RBM47: variants seen among roughly 807,000 people sequenced by gnomAD.
The protein encoded by RBM47 is RNA binding motif protein 47.
In RBM47, 21 loss-of-function variants were observed where a neutral mutation model predicts 47.1. The ratio of observed to expected loss-of-function variants is 0.45; its 90% CI spans 0.32 to 0.64. The LOEUF is 0.64. Ranked by LOEUF, RBM47 falls within the 30% of genes least tolerant of loss-of-function variation. RBM47 has a pLI of 0.05. For missense variants in RBM47, 708 were observed against 870.9 expected, an observed-to-expected ratio of 0.81 and a Z score of 2.35; for synonymous variants, 375 against 361.7, an observed-to-expected ratio of 1.04 and a Z score of -0.42.
At chr4:40,460,429 C>T (rs1488665203) in intron 3 of RBM47, among the ~76,000 whole-genome samples, 2 of 152,200 alleles carry the variant, frequency 1.3e-5, no homozygotes, top group Non-Finnish European at 2.9e-5. Flanking sequence ...CATGCCAGAG[C>T]TCAACCGCTT....
chr4:40,470,498 T>C lies in RBM47; in HGVS notation c.-154-3799A>G, dbSNP rs143703767. Among the ~76,000 whole-genome samples the C allele has an allele frequency of 4.3e-4, 65 of 152,296 alleles. 1 individual carries two copies. In the East Asian group the frequency reaches 8.7e-3, roughly 20 times the overall value. On this transcript the variant is annotated intron_variant, in intron 2 of 6. Coordinates refer to ENST00000295971, the MANE Select transcript of RBM47 (RefSeq NM_001098634.2). ...CTTGATTTTTTTGCCCCCTCTTCTA[T>C]TTGTGTCTTGACGTGTCGTATGTAG...
intron 1 of RBM47, among the ~76,000 whole-genome samples, chr4:40,569,910 C>G (rs929250004): frequency 1.3e-5 from 2 of 149,760 alleles, no homozygotes; most frequent in Non-Finnish European, 3.0e-5. Context: ...TAGGGTTTCA[C>G]CATGTTGGCC....
chr4:40,600,291 G>A (rs2154277104), intron 1 of RBM47, among the ~76,000 whole-genome samples: 1 of 152,036 alleles, frequency 6.6e-6, no homozygotes, highest in East Asian at 1.9e-4. Context: ...GGCGTTACAG[G>A]TATAAGCCAC....
chr4:40,460,192 G>A (rs1333851044), intron 3 of RBM47, among the ~76,000 whole-genome samples: 1 of 151,678 alleles, frequency 6.6e-6, no homozygotes, highest in Admixed American at 6.6e-5. Context: ...ACTGGCCAGG[G>A]AGCTATAAAA....
chr4:40,620,996 A>T (rs954495791), intron 1 of RBM47, among the ~76,000 whole-genome samples: 9 of 138,906 alleles, frequency 6.5e-5, no homozygotes, highest in African/African-American at 2.7e-4. Context: ...ATCAATTTAG[A>T]AGGAAACAAA....
At chr4:40,578,391 G>A (rs1388334638) in intron 1 of RBM47, among the ~76,000 whole-genome samples, 3 of 152,198 alleles carry the variant, frequency 2.0e-5, no homozygotes, top group African/African-American at 7.2e-5. Context: ...TAATATGGAA[G>A]GAAGTGTTGC....
At chr4:40,588,026 G>A (rs1208422166) in intron 1 of RBM47, among the ~76,000 whole-genome samples, 2 of 151,664 alleles carry the variant, frequency 1.3e-5, no homozygotes, top group East Asian at 3.9e-4. Flanking sequence ...TCTCTTTTTT[G>A]CCTGGCCAGT....
At chr4:40,612,611 T>C (rs541111172) in intron 1 of RBM47, among the ~76,000 whole-genome samples, 7 of 152,364 alleles carry the variant, frequency 4.6e-5, no homozygotes, top group Admixed American at 1.3e-4. Flanking sequence ...AGCAGTTCTT[T>C]AATCTGATCC....
chr4:40,551,622 G>T (rs1465107367), intron 1 of RBM47, among the ~76,000 whole-genome samples: 1 of 151,530 alleles, frequency 6.6e-6, no homozygotes, highest in Admixed American at 6.6e-5. Flanking sequence ...GAAGAGGGAG[G>T]GAGGGAGAAT....
rs992051303 is a variant in RBM47 at position 40,504,288 on chromosome 4, T to G, written c.-154-37589A>C. On this transcript the variant is annotated intron_variant, in intron 2 of 6. Coordinates refer to ENST00000295971, the MANE Select transcript of RBM47 (RefSeq NM_001098634.2). The stretch of plus-strand genomic sequence containing the variant: ...GAAATGGTATCTCTCTGTTGTTTCC[T>G]TCTTTTTTTTTTTTTTTTTTGAGAT... Among the ~76,000 whole-genome samples, 5 of 142,566 alleles carry G rather than the reference T, an allele frequency of 3.5e-5. No homozygotes were observed. In the Admixed American group the frequency reaches 3.6e-4, roughly 10 times the overall value. 93.5% of individuals were successfully genotyped at this position (142,566 alleles called of 152,430 possible). A position where few individuals can be genotyped will look rare whatever the true frequency, so the allele number is the denominator to read the frequency against.
At chr4:40,475,424 T>C (rs1020615384) in intron 2 of RBM47, among the ~76,000 whole-genome samples, 1 of 152,210 alleles carries the variant, frequency 6.6e-6, no homozygotes, top group Non-Finnish European at 1.5e-5. Flanking sequence ...TGTGAAGATC[T>C]AGATTTTTCA....
chr4:40,590,393 TA>T (rs147817841), intron 1 of RBM47, among the ~76,000 whole-genome samples: 1 of 146,486 alleles, frequency 6.8e-6, no homozygotes, highest in Non-Finnish European at 1.5e-5. Flanking sequence ...TGTCTCTTTT[TA>T]AAAAAAAAAC....
intron 3 of RBM47, among the ~76,000 whole-genome samples, chr4:40,463,773 T>C (rs1216710838): frequency 6.6e-6 from 1 of 151,790 alleles, no homozygotes; most frequent in Non-Finnish European, 1.5e-5. Context: ...TGGCAAAAAC[T>C]GCAATTACTT....
intron 2 of RBM47, among the ~76,000 whole-genome samples, chr4:40,523,665 A>G (rs1162436044): frequency 6.6e-6 from 1 of 151,758 alleles, no homozygotes; most frequent in African/African-American, 2.4e-5. Flanking sequence ...AAAAAAAAAA[A>G]TCAGCCAGGG....
At chr4:40,604,098 G>T (rs1486791826) in intron 1 of RBM47, among the ~76,000 whole-genome samples, 1 of 152,184 alleles carries the variant, frequency 6.6e-6, no homozygotes, top group African/African-American at 2.4e-5. Context: ...TTCACCCTTT[G>T]GCCCTAACCA....
intron 2 of RBM47, among the ~76,000 whole-genome samples, chr4:40,500,189 T>C (rs893101225): frequency 1.3e-5 from 2 of 152,218 alleles, no homozygotes; most frequent in African/African-American, 4.8e-5. Flanking sequence ...GGTGCATGCC[T>C]GTAATCCCAG....
At chr4:40,550,347 C>A (rs1729443105) in intron 1 of RBM47, among the ~76,000 whole-genome samples, 1 of 152,114 alleles carries the variant, frequency 6.6e-6, no homozygotes, top group Admixed American at 6.5e-5. Context: ...GTTCCTACAT[C>A]TTGATTGGGG....
chr4:40,515,894 T>TC (rs1725506908), intron 2 of RBM47: 1 of 152,286 alleles, frequency 6.6e-6, no homozygotes, highest in Non-Finnish European at 1.5e-5. Context: ...CATCTTATTT[T>TC]CAATGTCCTC....
chr4:40,449,433 G>A (rs1715065136), intron 3 of RBM47, among the ~76,000 whole-genome samples: 1 of 152,182 alleles, frequency 6.6e-6, no homozygotes, highest in East Asian at 1.9e-4. Context: ...TACAGATTTT[G>A]TTATGTCAAA....
Sources: allele counts gnomAD v4.1 joint callset (sites outside exome capture counted in the v4.1 genomes callset), GRCh38; gene constraint gnomAD v4.1.1; transcripts MANE v1.5; gene names NCBI Gene and HGNC (gene_info 2026-07-23, HGNC 2026-07-21).